The following THSD4 variants were observed in gnomAD, a reference collection of about 807,000 sequenced individuals.
THSD4 encodes the protein thrombospondin type-1 domain-containing protein 4.
Under a neutral mutation model 119.0 loss-of-function variants are expected in THSD4, and 69 were observed. The ratio of observed to expected loss-of-function variants is 0.58; its 90% confidence interval spans 0.48 to 0.71. The LOEUF is 0.71. Among genes scored for constraint, THSD4 ranks in the 30% least tolerant of loss-of-function variants. THSD4 has a pLI of 0.00. For synonymous variants in THSD4, 524 were observed against 540.4 expected (o/e 0.97, Z 0.42); for missense variants, 1,393 against 1,391.1 (o/e 1.00, Z -0.02).
intron 3 of THSD4, among the ~76,000 whole-genome samples, chr15:71,206,417 T>C (rs1041458703): frequency 3.9e-5 from 6 of 152,212 alleles, no homozygotes; most frequent in African/African-American, 9.7e-5. Context: ...TTTCATTTGC[T>C]CTCAGGTTCC....
Position 71,582,809 on chromosome 15 carries a change from C to T in THSD4, c.1153-77721C>T, listed in dbSNP as rs78519112. On this transcript the variant is annotated intron_variant, in intron 7 of 17. Transcript: ENST00000261862. ...CTTGATTTGCACATGTCAAACCTTC[C>T]TTGCATCCCAAGGATAAGTACCACT... Among the ~76,000 whole-genome samples the T allele has an allele frequency of 5.8e-4, 88 of 152,220 alleles. 2 individuals carry two copies. The East Asian group carries it at 0.016, about 27-fold the overall frequency.
At chr15:71,266,177 G>T (rs2044463936) in intron 6 of THSD4, among the ~76,000 whole-genome samples, 1 of 152,236 alleles carries the variant, frequency 6.6e-6, no homozygotes, top group African/African-American at 2.4e-5. Flanking sequence ...ACACCTCTCA[G>T]CAGGGGTTGA....
intron 8 of THSD4, among the ~76,000 whole-genome samples, chr15:71,704,099 T>C (rs746368882): frequency 2.0e-5 from 3 of 152,074 alleles, no homozygotes; most frequent in African/African-American, 4.8e-5. Context: ...CCGCCCACCT[T>C]GGCCTCCCAA....
chr15:71,369,916 T>G (rs1033597417), intron 6 of THSD4, among the ~76,000 whole-genome samples: 6 of 152,156 alleles, frequency 3.9e-5, no homozygotes, highest in African/African-American at 1.2e-4. Context: ...GTCCTGGAGT[T>G]TTTTTTGGTT....
chr15:71,393,464 G>T (rs1349178666), intron 6 of THSD4, among the ~76,000 whole-genome samples: 1 of 152,100 alleles, frequency 6.6e-6, no homozygotes, highest in Non-Finnish European at 1.5e-5. Flanking sequence ...GGAGAGAGGT[G>T]AGCCTTGGTT....
chr15:71,774,425 T>G (rs182364429), intron 17 of THSD4, among the ~76,000 whole-genome samples: 9 of 152,242 alleles, frequency 5.9e-5, no homozygotes, highest in Non-Finnish European at 8.8e-5. Context: ...TTGGCAAGCT[T>G]TTAAAATATT....
intron 8 of THSD4, among the ~76,000 whole-genome samples, chr15:71,708,727 T>G (rs2052444407): frequency 6.6e-6 from 1 of 152,210 alleles, no homozygotes; most frequent in Non-Finnish European, 1.5e-5. Flanking sequence ...TAGTTTGGTT[T>G]GGTTTGGTTT....
chr15:71,262,491 A>C (rs1369684227), intron 6 of THSD4, among the ~76,000 whole-genome samples: 2 of 152,166 alleles, frequency 1.3e-5, no homozygotes, highest in Non-Finnish European at 2.9e-5. Context: ...ACCTGTTTTC[A>C]TGCCAAGGGT....
intron 7 of THSD4, among the ~76,000 whole-genome samples, chr15:71,506,251 G>T (rs1336164269): frequency 2.6e-5 from 4 of 151,912 alleles, no homozygotes; most frequent in South Asian, 2.1e-4. Flanking sequence ...GTGTTTTTTG[G>T]TTTTTTTCCT....
chr15:71,639,553 A>C (rs1311428608), intron 7 of THSD4, among the ~76,000 whole-genome samples: 1 of 152,222 alleles, frequency 6.6e-6, no homozygotes, highest in Non-Finnish European at 1.5e-5. Context: ...ATTCTCACTG[A>C]ATATGTGCCA....
At chr15:71,149,489 T>C (rs1413528473) in intron 2 of THSD4, among the ~76,000 whole-genome samples, 1 of 152,072 alleles carries the variant, frequency 6.6e-6, no homozygotes, top group Non-Finnish European at 1.5e-5. Flanking sequence ...CCTCAAGTGA[T>C]CCGCCTGCCT....
chr15:71,481,448 A>C (rs563249521), intron 7 of THSD4, among the ~76,000 whole-genome samples: 4 of 152,364 alleles, frequency 2.6e-5, no homozygotes, highest in African/African-American at 9.6e-5. Context: ...TGATGCTTTC[A>C]CTGAACCACA....
At chr15:71,767,125 T>C (rs2053729253) in intron 16 of THSD4, 1 of 152,196 alleles carries the variant, frequency 6.6e-6, no homozygotes. Context: ...AAAAGGGACA[T>C]TTTTAGATGC....
intron 1 of THSD4, among the ~76,000 whole-genome samples, chr15:71,122,943 G>T (rs667900): frequency 0.1 from 15,333 of 152,250 alleles, 1,335 homozygotes; most frequent in African/African-American, 0.24. Context: ...TGCTCATGGG[G>T]TCTTCAGAGA....
At chr15:71,772,160 G>C (rs960274411) in intron 17 of THSD4, among the ~76,000 whole-genome samples, 9 of 152,120 alleles carry the variant, frequency 5.9e-5, no homozygotes, top group Non-Finnish European at 1.0e-4. Context: ...AACATCAAAG[G>C]AAATGTATTA....
intron 6 of THSD4, among the ~76,000 whole-genome samples, chr15:71,308,852 C>T (rs1424104327): frequency 6.6e-6 from 1 of 152,202 alleles, no homozygotes; most frequent in Admixed American, 6.5e-5. Flanking sequence ...TTTACATTTC[C>T]ACCAGCAACG....
At chr15:71,143,163 C>T (rs1442330619) in intron 2 of THSD4, among the ~76,000 whole-genome samples, 4 of 152,166 alleles carry the variant, frequency 2.6e-5, no homozygotes, top group Non-Finnish European at 1.5e-5. Context: ...GAAAAAGCTT[C>T]ATTCTGAAGG....
intron 4 of THSD4, among the ~76,000 whole-genome samples, chr15:71,240,556 G>A (rs2044143182): frequency 1.3e-5 from 2 of 152,020 alleles, no homozygotes; most frequent in Admixed American, 1.3e-4. Flanking sequence ...CCCAGGTGAT[G>A]CCTGTGAACA....
intron 7 of THSD4, among the ~76,000 whole-genome samples, chr15:71,482,875 C>G (rs2047754544): frequency 6.6e-6 from 1 of 152,190 alleles, no homozygotes; most frequent in Admixed American, 6.5e-5. Flanking sequence ...GCATGAGCCA[C>G]CACGCCTGGC....
Sources: gnomAD v4.1 joint callset for allele counts (sites outside exome capture counted in the v4.1 genomes callset) on GRCh38, gnomAD v4.1.1 for gene constraint, MANE v1.5 for transcripts, NCBI Gene and HGNC (gene_info 2026-07-23, HGNC 2026-07-21) for gene names.